RABGAP1: variants seen among roughly 807,000 people sequenced by gnomAD.
RABGAP1 encodes the protein rab GTPase-activating protein 1.
RABGAP1 carries 23 observed loss-of-function variants against 137.6 expected under a neutral mutation model. The ratio of observed to expected loss-of-function variants is 0.17; its 90% CI spans 0.12 to 0.24. RABGAP1 has a LOEUF of 0.24. Ranked by LOEUF, RABGAP1 falls within the 10% of genes least tolerant of loss-of-function variation. The probability of loss-of-function intolerance (pLI) is 1.00; values close to 1 mark genes in which losing one functional copy is unlikely to be tolerated. For missense variants in RABGAP1, 906 were observed against 1,275.8 expected, an observed-to-expected ratio of 0.71 and a Z score of 4.42; for synonymous variants, 451 against 450.7, an observed-to-expected ratio of 1.00 and a Z score of -0.01.
In RABGAP1 at chr9:123,013,752, G is replaced by T. The variant is rs552785884; in HGVS notation, c.1550-1791G>T. Among the ~76,000 whole-genome samples the T allele has an allele frequency of 6.0e-4, 92 of 152,244 alleles. No homozygotes were observed. In the Middle Eastern group the frequency reaches 0.01, roughly 17 times the overall value. On this transcript the variant is annotated intron_variant, in intron 11 of 25. Coordinates refer to ENST00000373647, the MANE Select transcript of RABGAP1 (RefSeq NM_012197.4). ...GTCCAAAGCATTATAATATAAAAAC[G>T]TTCAATAAGAAGTATCACAGATTTC...
chr9:122,992,558 A>G (rs955692767), intron 6 of RABGAP1, among the ~76,000 whole-genome samples: 1 of 151,870 alleles, frequency 6.6e-6, no homozygotes, highest in East Asian at 1.9e-4. Context: ...TGCTTTTCAC[A>G]TTTGTTAGGA....
chr9:122,983,763 A>C lies in RABGAP1; in HGVS notation c.151-722A>C, dbSNP rs532010014. Among the ~76,000 whole-genome samples, 40 of 152,298 alleles carry C rather than the reference A, an allele frequency of 2.6e-4. No homozygotes were observed. The South Asian group carries it at 7.9e-3, about 30-fold the overall frequency. ...CTTAAGCATTTAGTGACAATACTGC[A>C]TTATGTCACTTGTGGTTTTCCTTGG... On this transcript the variant is annotated intron_variant, in intron 2 of 25. Coordinates refer to ENST00000373647, the MANE Select transcript of RABGAP1 (RefSeq NM_012197.4).
At chr9:122,956,483 T>C (rs1190095450) in intron 1 of RABGAP1, among the ~76,000 whole-genome samples, 1 of 152,058 alleles carries the variant, frequency 6.6e-6, no homozygotes, top group Non-Finnish European at 1.5e-5. Context: ...ACCCCGTCTC[T>C]ACGAAAAATA....
chr9:122,957,217 TC>T lies in RABGAP1; in HGVS notation c.150+11del. The T allele has an allele frequency of 6.6e-7, 1 of 1,503,766 alleles. No homozygotes were observed. The highest frequency in any genetic ancestry group is 2.3e-5 in the East Asian group (1 of 43,366). 93.2% of individuals were successfully genotyped at this position (1,503,766 alleles called of 1,614,324 possible). On this transcript the variant is annotated intron_variant, in intron 2 of 25. Transcript: ENST00000373647. ...GAGAAAACAGGACTCAAGGTAAAAC[TC>T]CCTAACCTAAGATTGTTTTGCTTAG...
chr9:123,033,107 TC>T (rs774756343), intron 13 of RABGAP1, among the ~76,000 whole-genome samples: 4 of 152,238 alleles, frequency 2.6e-5, no homozygotes, highest in Non-Finnish European at 5.9e-5. Flanking sequence ...TCTTAAAGTT[TC>T]TTGGCCAATA....
intron 10 of RABGAP1, among the ~76,000 whole-genome samples, chr9:123,003,663 A>C (rs931480209): frequency 5.3e-5 from 8 of 152,188 alleles, no homozygotes; most frequent in Non-Finnish European, 7.3e-5. Flanking sequence ...TTTATCCTGG[A>C]AGCCTTCCCA....
chr9:123,062,787 C>T (rs1180305175), intron 13 of RABGAP1: 2 of 151,786 alleles, frequency 1.3e-5, no homozygotes, highest in Non-Finnish European at 2.9e-5. Context: ...CTCGTCTCCT[C>T]TCTCTCTCTT....
chr9:123,089,692 G>T, intron 19 of RABGAP1, 66 bp from the exon 20 acceptor site: 1 of 1,305,628 alleles, frequency 7.7e-7, no homozygotes, highest in Non-Finnish European at 1.1e-6. Context: ...TTGGTCTTCA[G>T]TGCAGGCACT....
At chr9:122,957,684 A>G (rs905792328) in intron 2 of RABGAP1, among the ~76,000 whole-genome samples, 2 of 151,860 alleles carry the variant, frequency 1.3e-5, no homozygotes, top group Admixed American at 1.3e-4. Flanking sequence ...CTCTTTATTG[A>G]TATAAATAAA....
At chr9:123,026,664 C>G (rs922437303) in intron 13 of RABGAP1, among the ~76,000 whole-genome samples, 10 of 152,296 alleles carry the variant, frequency 6.6e-5, no homozygotes, top group African/African-American at 2.4e-4. Context: ...CTCATGGCTT[C>G]TCTTACCTCC....
intron 1 of RABGAP1, among the ~76,000 whole-genome samples, chr9:122,944,716 G>A (rs1833839395): frequency 6.6e-6 from 1 of 151,300 alleles, no homozygotes; most frequent in Admixed American, 6.6e-5. Context: ...GACTACAGGC[G>A]CGCACCACCA....
intron 13 of RABGAP1, chr9:123,033,683 A>C (rs1007183190): frequency 1.3e-5 from 2 of 151,988 alleles, no homozygotes. Flanking sequence ...CTGCTTTGCA[A>C]GGCTTTCTGC....
Position 122,989,233 on chromosome 9 carries a change from A to G in RABGAP1, c.591-64A>G, listed in dbSNP as rs374607601. On this transcript the variant is annotated intron_variant, in intron 4 of 25. Coordinates refer to ENST00000373647, the MANE Select transcript of RABGAP1 (RefSeq NM_012197.4). ...TAGAAAGAATGAGTCTCACATCTTAATCTAAACGTAGTGCAGATTGTTCAT... is the reference window on the plus strand; with the variant it reads ...TAGAAAGAATGAGTCTCACATCTTAGTCTAAACGTAGTGCAGATTGTTCAT... 90 of 1,417,248 alleles carry G rather than the reference A, an allele frequency of 6.4e-5. No homozygotes were observed. The African/African-American group carries it at 7.1e-4, about 11-fold the overall frequency. The allele number at this position is 1,417,248 out of a possible 1,614,324, so 87.8% of individuals were successfully genotyped here.
At chr9:123,076,965 C>T in intron 19 of RABGAP1, 1 of 230,610 alleles carries the variant, frequency 4.3e-6, no homozygotes, top group Non-Finnish European at 7.4e-6. Flanking sequence ...CCCCAAAATA[C>T]TTTCCTATAT....
Position 123,010,361 on chromosome 9 carries a change from A to G in RABGAP1, c.1382A>G (p.Gln461Arg). 1.9e-6 allele frequency: 3 copies of G among 1,609,288 alleles called. No homozygotes were observed. In the South Asian group the frequency reaches 3.3e-5, roughly 18 times the overall value. The change falls in exon 11 of 26, where the codon CAA (glutamine) becomes CGA (arginine). Residue 461 changes from glutamine (Q) to arginine (R), a missense_variant. By Grantham distance (43) the Gln-to-Arg change is conservative. Around this residue, in one of 9 missense-constraint regions of RABGAP1, gnomAD observed 212 missense variants for 289.4 expected, o/e 0.73. Transcript: ENST00000373647. The stretch of plus-strand genomic sequence containing the variant: ...TATTTTTTCATCTTCAAGATAAAGC[A>G]AAGGGAGAGAAAGAATAATACTGAC... ...NFFLKLKQIK[Q>R]RERKNNTDTL... is the part of the protein sequence containing the mutation.
chr9:122,933,028 T>C, the RABGAP1 span, among the ~76,000 whole-genome samples: 3 of 152,230 alleles, frequency 2.0e-5, no homozygotes, highest in Admixed American at 6.5e-5. Context: ...TCATGTGCTT[T>C]AGAGAAGAAT....
intron 23 of RABGAP1, 53 bp downstream of exon 23, chr9:123,098,851 G>A: frequency 7.2e-7 from 1 of 1,390,724 alleles, no homozygotes; most frequent in Non-Finnish European, 1.0e-6. Flanking sequence ...CCCCTAGTCT[G>A]GATAAAATGT....
chr9:122,991,344 A>G (rs185035332), intron 6 of RABGAP1, among the ~76,000 whole-genome samples: 3 of 152,294 alleles, frequency 2.0e-5, no homozygotes, highest in East Asian at 3.9e-4. Context: ...TGTTTCCTCC[A>G]TGACTACCTC....
At chr9:122,946,356 A>T (rs1371544025) in intron 1 of RABGAP1, among the ~76,000 whole-genome samples, 8 of 152,216 alleles carry the variant, frequency 5.3e-5, no homozygotes, top group Admixed American at 5.2e-4. Context: ...ATGTAAACAG[A>T]TGCATATTCT....
Sources: gnomAD v4.1 joint callset for allele counts (sites outside exome capture counted in the v4.1 genomes callset) on GRCh38, gnomAD v4.1.1 for gene constraint, gnomAD v4.1.1 regional missense constraint, MANE v1.5 for transcripts, NCBI Gene and HGNC (gene_info 2026-07-23, HGNC 2026-07-21) for gene names.